The following NBPF20 variants were observed in gnomAD, a reference collection of about 807,000 sequenced individuals.
NBPF20 encodes NBPF member 20.
A neutral mutation model predicts 68.1 loss-of-function variants in NBPF20; 90 were observed. The observed-to-expected ratio is 1.32, with a 90% CI of 1.11 to 1.58. The LOEUF is 1.58. Among genes scored for constraint, NBPF20 ranks in the 40% most tolerant of loss-of-function variants. The pLI, the probability that NBPF20 is intolerant of heterozygous loss-of-function variation, is 0.00. For synonymous variants in NBPF20, 290 were observed against 228.1 expected, an observed-to-expected ratio of 1.27 and a Z score of -2.45; for missense variants, 816 against 601.2, an observed-to-expected ratio of 1.36 and a Z score of -3.74.
chr1:145,411,022 T>C, the NBPF20 span, among the ~76,000 whole-genome samples: 3 of 145,958 alleles, frequency 2.1e-5, no homozygotes, highest in East Asian at 4.0e-4. Flanking sequence ...CATTTTTTTT[T>C]CAACAAAACA....
rs1399711068 is a variant in NBPF20, at chr1:145,398,551, C to T, written c.827+498G>A. On this transcript the variant is annotated intron_variant, in intron 7 of 137. Coordinates refer to ENST00000369373, the Ensembl canonical transcript of NBPF20. ...CAATGAGAACAAAGACACAACATATCAGAATCTCTGGGACACATTTAAAGC... is the reference window on the plus strand; with the variant it reads ...CAATGAGAACAAAGACACAACATATTAGAATCTCTGGGACACATTTAAAGC... Among the ~76,000 whole-genome samples, 374 of 152,236 alleles carry T rather than the reference C, an allele frequency of 2.5e-3. 2 individuals are homozygous for T. The highest frequency in any genetic ancestry group is 8.1e-3 in the African/African-American group (336 of 41,482).
rs1662470392 is a variant in NBPF20 at position 145,400,508 on chromosome 1, T to C, written c.653A>G (p.Tyr218Cys). The C allele has an allele frequency of 3.7e-6, 6 of 1,612,804 alleles. No homozygotes were observed. The Admixed American group carries it at 5.0e-5, about 13-fold the overall frequency. ...TTTCCTATGTGGCTGGTTGGAGTCATAAGGGCCATGGCTATTTGAATAAGT... is the reference window on the plus strand; with the variant it reads ...TTTCCTATGTGGCTGGTTGGAGTCACAAGGGCCATGGCTATTTGAATAAGT... The change falls in exon 6 of 138, where the codon TAT becomes TGT. Residue 218 changes from tyrosine to cysteine, a missense_variant. Physicochemically the swap from Tyr to Cys is radical, Grantham distance 194 (BLOSUM62 -2). Transcript: ENST00000369373.
chr1:145,397,630 A>G (rs1179328208), intron 7 of NBPF20, among the ~76,000 whole-genome samples: 1 of 152,226 alleles, frequency 6.6e-6, no homozygotes, highest in African/African-American at 2.4e-5. Flanking sequence ...CTACAAAAAC[A>G]TGCCAAACTG....
chr1:145,400,974 G>C lies in NBPF20; in HGVS notation c.566+85C>G, dbSNP rs494867. Reference sequence around the variant, plus strand: ...GCCAAGCAAATGTGGGTTTTTGGCCGATCATAGATGCCAGAGAGGGTGTGC... The same window carrying C: ...GCCAAGCAAATGTGGGTTTTTGGCCCATCATAGATGCCAGAGAGGGTGTGC... On this transcript the variant is annotated intron_variant, in intron 5 of 137. Coordinates refer to ENST00000369373, the Ensembl canonical transcript of NBPF20. 133 of 1,529,874 alleles carry C rather than the reference G, an allele frequency of 8.7e-5. No homozygotes were observed. The African/African-American group carries it at 9.5e-4, about 11-fold the overall frequency. The allele number at this position is 1,529,874 out of a possible 1,614,324, so 94.8% of individuals were successfully genotyped here. A position where few individuals can be genotyped will look rare whatever the true frequency, so the allele number is the denominator to read the frequency against.
intron 8 of NBPF20, among the ~76,000 whole-genome samples, chr1:145,394,715 C>A (rs1204562465): frequency 6.6e-6 from 1 of 151,874 alleles, no homozygotes; most frequent in African/African-American, 2.4e-5. Context: ...GTTTGCCACA[C>A]CTGCCTTGAG....
exon 2 of NBPF20, chr1:145,405,126 G>T (rs782372049): frequency 1.2e-6 from 2 of 1,613,720 alleles, no homozygotes; most frequent in Non-Finnish European, 1.7e-6. Flanking sequence ...TGGCCAGGAA[G>T]CCGGCCAGTT....
At chr1:145,393,674 C>G (rs1439718040) in intron 9 of NBPF20, 1 of 1,368,894 alleles carries the variant, frequency 7.3e-7, no homozygotes, top group East Asian at 2.4e-5. Context: ...GAGTTATGGT[C>G]AACTTTCACT....
upstream of NBPF20, among the ~76,000 whole-genome samples, chr1:145,410,031 C>G (rs1662945132): frequency 6.6e-6 from 1 of 151,990 alleles, no homozygotes; most frequent in Admixed American, 6.6e-5. Context: ...TGTGCAGACA[C>G]AGTGTGTAAA....
chr1:145,413,481 C>A, the NBPF20 span, among the ~76,000 whole-genome samples: 3 of 152,084 alleles, frequency 2.0e-5, no homozygotes, highest in Non-Finnish European at 4.4e-5. Context: ...GCTAAAGGAA[C>A]AAACTTTTGA....
At chr1:145,397,928 TG>T (rs1255553961) in intron 7 of NBPF20, among the ~76,000 whole-genome samples, 1 of 152,122 alleles carries the variant, frequency 6.6e-6, no homozygotes, top group African/African-American at 2.4e-5. Flanking sequence ...AGGCAGGGGT[TG>T]CAATCCTAGT....
At chr1:145,423,525 G>A in the NBPF20 span, among the ~76,000 whole-genome samples, 2 of 151,154 alleles carry the variant, frequency 1.3e-5, no homozygotes, top group East Asian at 3.9e-4. Flanking sequence ...ATTGAAAAAA[G>A]GGAAATGCAA....
chr1:145,395,194 G>A, intron 7 of NBPF20, 53 bp from the exon 13 acceptor site: 9 of 1,150,642 alleles, frequency 7.8e-6, no homozygotes, highest in South Asian at 1.3e-5. Context: ...ACAGACATTA[G>A]ACAACAAAAC....
At chr1:145,402,472 A>T in intron 3 of NBPF20, 91 bp from the exon 9 acceptor site, 1 of 1,434,898 alleles carries the variant, frequency 7.0e-7, no homozygotes, top group South Asian at 1.1e-5. Flanking sequence ...TAATGTCCTC[A>T]AGGAGACCTC....
At chr1:145,425,514 C>A in the NBPF20 span, among the ~76,000 whole-genome samples, 1 of 152,242 alleles carries the variant, frequency 6.6e-6, no homozygotes, top group African/African-American at 2.4e-5. Flanking sequence ...GCGACCCTCA[C>A]CTACCCCTCC....
chr1:145,421,890 T>C, the NBPF20 span, among the ~76,000 whole-genome samples: 1 of 151,822 alleles, frequency 6.6e-6, no homozygotes, highest in East Asian at 1.9e-4. Context: ...AATAGAAAAT[T>C]AGCCGGGCAT....
rs1488826879 is a variant in NBPF20, at chr1:145,405,442, C to T, written c.-68G>A. The T allele has an allele frequency of 1.6e-5, 25 of 1,567,838 alleles. No homozygotes were observed. Among genetic ancestry groups the T allele is most frequent in the Non-Finnish European group, 2.1e-5 (24 of 1,161,186 alleles). ...AAAAATGTGATCACTCCCCACAGCA[C>T]TTTAGGATCCTTCACCACAAAAACA... is the stretch of plus-strand genomic sequence containing the variant. On this transcript the variant is annotated 5_prime_UTR_variant, in exon 1 of 138. In the 5' UTR this introduces an upstream ATG that the reference lacks. Coordinates refer to ENST00000369373, the Ensembl canonical transcript of NBPF20.
At chr1:145,397,890 A>G (rs1248315564) in intron 7 of NBPF20, among the ~76,000 whole-genome samples, 33 of 152,302 alleles carry the variant, frequency 2.2e-4, no homozygotes, top group Admixed American at 4.6e-4. Context: ...ATGGAGGAAG[A>G]TCTACCAAGC....
chr1:145,393,458 A>AGC (rs1349838912), intron 9 of NBPF20, among the ~76,000 whole-genome samples: 2 of 145,160 alleles, frequency 1.4e-5, no homozygotes, highest in African/African-American at 5.1e-5. Context: ...CACACACACA[A>AGC]ACACACACAC....
intron 7 of NBPF20, among the ~76,000 whole-genome samples, chr1:145,396,715 C>T: frequency 6.9e-6 from 1 of 144,656 alleles, no homozygotes; most frequent in South Asian, 2.2e-4. Context: ...TTTTTTTTTT[C>T]CATATGTATA....
Sources: gnomAD v4.1 joint callset for allele counts (sites outside exome capture counted in the v4.1 genomes callset) on GRCh38, gnomAD v4.1.1 for gene constraint, MANE v1.5 for transcripts, NCBI Gene and HGNC (gene_info 2026-07-23, HGNC 2026-07-21) for gene names.